The following DIS3L2 variants were observed in gnomAD, a reference collection of about 807,000 sequenced individuals.
The protein encoded by DIS3L2 is DIS3 like 3'-5' exoribonuclease 2.
A neutral mutation model predicts 97.5 loss-of-function variants in DIS3L2; 34 were observed. The ratio of observed to expected loss-of-function variants is 0.35; its 90% CI spans 0.27 to 0.46. The LOEUF (loss-of-function observed/expected upper bound fraction) is 0.46. Ranked by LOEUF, DIS3L2 falls within the 20% of genes least tolerant of loss-of-function variation. DIS3L2 has a pLI of 1.00. For missense variants in DIS3L2, 1,038 were observed against 1,146.0 expected (o/e 0.91, Z 1.36); for synonymous variants, 435 against 445.2 (o/e 0.98, Z 0.29).
intron 12 of DIS3L2, among the ~76,000 whole-genome samples, chr2:232,258,217 G>A (rs1159970371): frequency 1.3e-5 from 2 of 152,208 alleles, no homozygotes; most frequent in South Asian, 2.1e-4. Context: ...TTGACATTCT[G>A]AACAGTGGTA....
chr2:231,981,390 A>G lies in DIS3L2; in HGVS notation c.-94+19625A>G, dbSNP rs187637406. Among the ~76,000 whole-genome samples, 343 of 151,860 alleles carry G rather than the reference A, an allele frequency of 2.3e-3. 5 individuals carry two copies. Among genetic ancestry groups the G allele is most frequent in the Admixed American group, 0.019 (295 of 15,254 alleles). On this transcript the variant is annotated intron_variant, in intron 1 of 20. Coordinates refer to ENST00000325385, the MANE Select transcript of DIS3L2 (RefSeq NM_152383.5). ...TTGTTGGCATATAGGCATGTTATCA[A>G]TAATATAATTTGTGAGTATGTCATT...
chr2:232,288,375 A>G (rs1694502508), intron 13 of DIS3L2, among the ~76,000 whole-genome samples: 1 of 152,242 alleles, frequency 6.6e-6, no homozygotes. Context: ...TCTAACTGAT[A>G]TAGCAGGGGC....
At chr2:232,247,744 G>C (rs1430108904) in intron 11 of DIS3L2, among the ~76,000 whole-genome samples, 2 of 148,152 alleles carry the variant, frequency 1.3e-5, no homozygotes, top group African/African-American at 5.0e-5. Context: ...TCTCCATTTT[G>C]TGCACTATTT....
Position 232,123,424 on chromosome 2 carries a change from A to G in DIS3L2, c.602-7195A>G, listed in dbSNP as rs1697965674. Among the ~76,000 whole-genome samples the G allele has an allele frequency of 3.9e-5, 6 of 152,146 alleles. No homozygotes were observed. In the South Asian group the frequency reaches 1.2e-3, roughly 32 times the overall value. On this transcript the variant is annotated intron_variant, in intron 6 of 20. Transcript: ENST00000325385. ...TTAATGAGATAGTACCTTATCCGACAGTGCCTTAATGGAACATTGGGTATT... is the reference window on the plus strand; with the variant it reads ...TTAATGAGATAGTACCTTATCCGACGGTGCCTTAATGGAACATTGGGTATT...
chr2:232,339,061 T>A (rs1024224844), downstream of DIS3L2, among the ~76,000 whole-genome samples: 18 of 152,168 alleles, frequency 1.2e-4, no homozygotes, highest in Admixed American at 5.2e-4. Context: ...GCTGGCCCCC[T>A]GGACCTAGGG....
chr2:232,003,828 ATGT>A (rs1337630454), intron 1 of DIS3L2, among the ~76,000 whole-genome samples: 2 of 152,142 alleles, frequency 1.3e-5, no homozygotes. Flanking sequence ...GCCATTCAAA[ATGT>A]TGTTCTGTTT....
At chr2:232,232,550 T>G (rs1469080030) in intron 10 of DIS3L2, among the ~76,000 whole-genome samples, 1 of 152,112 alleles carries the variant, frequency 6.6e-6, no homozygotes, top group Non-Finnish European at 1.5e-5. Flanking sequence ...CCTGAGAAAG[T>G]CCCAGGTTTC....
At chr2:232,199,692 T>C (rs1691841532) in intron 9 of DIS3L2, among the ~76,000 whole-genome samples, 1 of 152,166 alleles carries the variant, frequency 6.6e-6, no homozygotes, top group African/African-American at 2.4e-5. Flanking sequence ...AAAATGTATC[T>C]ATCTATATAT....
chr2:232,103,131 C>G (rs923712342), intron 6 of DIS3L2, among the ~76,000 whole-genome samples: 1 of 152,088 alleles, frequency 6.6e-6, no homozygotes, highest in Non-Finnish European at 1.5e-5. Flanking sequence ...GTGAAACGTT[C>G]ATTTGCTTGA....
intron 1 of DIS3L2, among the ~76,000 whole-genome samples, chr2:231,984,425 C>T (rs1404059019): frequency 4.4e-5 from 6 of 136,324 alleles, no homozygotes; most frequent in East Asian, 2.1e-4. Context: ...CTGGCTCTGT[C>T]GCCCAGGCTG....
intron 13 of DIS3L2, among the ~76,000 whole-genome samples, chr2:232,274,160 T>C (rs1694079968): frequency 6.6e-6 from 1 of 152,138 alleles, no homozygotes; most frequent in Admixed American, 6.5e-5. Context: ...TGATAGGAAC[T>C]TCCAGGGGTG....
At chr2:231,998,139 A>G (rs187258418) in intron 1 of DIS3L2, among the ~76,000 whole-genome samples, 5 of 152,306 alleles carry the variant, frequency 3.3e-5, no homozygotes, top group Admixed American at 2.6e-4. Context: ...TTCTGTTACT[A>G]TAACAGAGTG....
chr2:232,136,960 C>T (rs924274792), intron 8 of DIS3L2, among the ~76,000 whole-genome samples: 3 of 152,102 alleles, frequency 2.0e-5, no homozygotes, highest in South Asian at 2.1e-4. Context: ...AAAACATGAA[C>T]ATTCCGAGCC....
intron 4 of DIS3L2, among the ~76,000 whole-genome samples, chr2:232,024,981 C>A (rs1340861474): frequency 6.6e-6 from 1 of 152,124 alleles, no homozygotes; most frequent in Non-Finnish European, 1.5e-5. Flanking sequence ...AAATTCCTGA[C>A]CTAACTTTTC....
Position 232,165,326 on chromosome 2 carries a change from A to G in DIS3L2, c.1124+1694A>G, listed in dbSNP as rs531544749. On this transcript the variant is annotated intron_variant, in intron 9 of 20. Transcript: ENST00000325385. Reference sequence around the variant, plus strand: ...ATATGAGCCTATATTTTGTAAAGTAATACAAAAACTACATAAATATACACA... The same window carrying G: ...ATATGAGCCTATATTTTGTAAAGTAGTACAAAAACTACATAAATATACACA... 7.2e-5 allele frequency among the ~76,000 whole-genome samples: 11 copies of G among 152,346 alleles called. No individual in the cohort carries two copies. The South Asian group carries it at 2.3e-3, about 32-fold the overall frequency.
chr2:232,343,216 GC>G, intron 13 of DIS3L2: 1 of 754,846 alleles, frequency 1.3e-6, no homozygotes, highest in Non-Finnish European at 2.2e-6. Flanking sequence ...TCACAAAAAG[GC>G]CATGCTGTAT....
At chr2:232,295,031 A>G (rs1694691045) in intron 13 of DIS3L2, among the ~76,000 whole-genome samples, 1 of 151,768 alleles carries the variant, frequency 6.6e-6, no homozygotes, top group African/African-American at 2.4e-5. Flanking sequence ...TTACCCCCTT[A>G]TTCTTCCCTC....
chr2:232,260,272 T>A (rs1693680570), intron 12 of DIS3L2: 2 of 152,368 alleles, frequency 1.3e-5, no homozygotes, highest in African/African-American at 2.4e-5. Flanking sequence ...GGGGAAACCC[T>A]TGAGACCACA....
At chr2:232,247,421 G>A (rs1246639010) in intron 11 of DIS3L2, among the ~76,000 whole-genome samples, 1 of 152,066 alleles carries the variant, frequency 6.6e-6, no homozygotes, top group African/African-American at 2.4e-5. Flanking sequence ...GTATATGGCT[G>A]TGTCCTCACA....
Sources: gnomAD v4.1 joint callset for allele counts (sites outside exome capture counted in the v4.1 genomes callset) on GRCh38, gnomAD v4.1.1 for gene constraint, MANE v1.5 for transcripts, NCBI Gene and HGNC (gene_info 2026-07-23, HGNC 2026-07-21) for gene names.